Variants in BCCIP observed in about 807,000 individuals in gnomAD.
BCCIP encodes the protein BRCA2 and CDKN1A interacting protein, also known as BRCA2 and CDKN1A-interacting protein.
A neutral mutation model predicts 32.8 loss-of-function variants in BCCIP; 23 were observed. The ratio of observed to expected loss-of-function variants is 0.70; its 90% CI spans 0.51 to 0.99. The LOEUF is 0.99. Among genes scored for constraint, BCCIP ranks in the 50% least tolerant of loss-of-function variants. BCCIP has a pLI of 0.00. For missense variants in BCCIP, 378 were observed against 379.8 expected (o/e 1.00, Z 0.04); for synonymous variants, 144 against 137.6 (o/e 1.05, Z -0.33).
chr10:125,829,606 C>T (rs1191971933), intron 3 of BCCIP, among the ~76,000 whole-genome samples: 1 of 152,184 alleles, frequency 6.6e-6, no homozygotes, highest in Non-Finnish European at 1.5e-5. Context: ...GTACACTTTT[C>T]AAGGCTTCTG....
chr10:125,836,212 T>C lies in BCCIP; in HGVS notation c.883T>C (p.Leu295=). The C allele has an allele frequency of 5.0e-6, 8 of 1,614,222 alleles. No individual in the cohort carries two copies. The highest frequency in any genetic ancestry group is 6.8e-6 in the Non-Finnish European group (8 of 1,180,032). The change falls in exon 7 of 7, where the codon TTA becomes CTA. Residue 295 remains leucine (L), a synonymous_variant. Coordinates refer to ENST00000278100, the MANE Select transcript of BCCIP (RefSeq NM_078468.3). ...VPMTPLRTVM[L]IPGDKMNEIM... Reference sequence around the variant, plus strand: ...AATGACGCCCTTGCGAACTGTGATGTTAATTCCAGGCGACAAGATGAACGA... The same window carrying C: ...AATGACGCCCTTGCGAACTGTGATGCTAATTCCAGGCGACAAGATGAACGA...
At chr10:125,836,761 CAG>C (rs755174172), downstream of BCCIP, 156 of 1,614,164 alleles carry the variant, frequency 9.7e-5, no homozygotes, top group East Asian at 6.0e-4. Context: ...ATTGTTGACA[CAG>C]GGGATAGGTG....
At chr10:125,848,749 G>A (rs1435622220) in intron 7 of BCCIP, among the ~76,000 whole-genome samples, 1 of 152,196 alleles carries the variant, frequency 6.6e-6, no homozygotes, top group East Asian at 1.9e-4. Context: ...CTGTGGTGCA[G>A]AGCTCAGGTA....
At chr10:125,834,673 T>G (rs1375986606) in intron 6 of BCCIP, among the ~76,000 whole-genome samples, 8 of 150,146 alleles carry the variant, frequency 5.3e-5, no homozygotes, top group Non-Finnish European at 1.0e-4. Flanking sequence ...TAGCCGGGCA[T>G]GGTGGCAGAT....
At chr10:125,834,050 G>A in intron 6 of BCCIP, 104 bp downstream of exon 6, 1 of 1,286,240 alleles carries the variant, frequency 7.8e-7, no homozygotes, top group Non-Finnish European at 1.1e-6. Context: ...TCTTTCAAGT[G>A]TGGCTACTCT....
In BCCIP at chr10:125,827,514, T is replaced by G. The variant is rs374865934; in HGVS notation, c.241-44T>G. 7.7e-4 allele frequency: 992 copies of G among 1,290,358 alleles called. 17 individuals carry two copies. The South Asian group carries it at 0.012, about 16-fold the overall frequency. 79.9% of individuals were successfully genotyped at this position (1,290,358 alleles called of 1,614,324 possible). A position where few individuals can be genotyped will look rare whatever the true frequency, so the allele number is the denominator to read the frequency against. On this transcript the variant is annotated intron_variant, in intron 2 of 6. Transcript: ENST00000278100. ...ATATAGGATTTGAAGTTATTAGAAA[T>G]CATGCTTTGATCTTAATTTAAAATA... is the stretch of plus-strand genomic sequence containing the variant.
rs769173405 is a variant in BCCIP at position 125,826,653 on chromosome 10, A to AT, written c.230dup (p.Leu77PhefsTer31). 8.7e-6 allele frequency: 14 copies of AT among 1,613,630 alleles called. No individual in the cohort carries two copies. The highest frequency in any genetic ancestry group is 1.2e-5 in the Non-Finnish European group (14 of 1,179,774). On this transcript the variant is annotated frameshift_variant, in exon 2 of 7. Coordinates refer to ENST00000278100, the MANE Select transcript of BCCIP (RefSeq NM_078468.3). LOFTEE classifies it high-confidence loss of function. ...ATAATGATTATGACGGAATTAAGAA[A>AT]TTACTGCAGCAGGTATTGTCTTTTA...
chr10:125,834,915 G>A (rs1407663488), intron 6 of BCCIP, among the ~76,000 whole-genome samples: 3 of 151,560 alleles, frequency 2.0e-5, no homozygotes, highest in African/African-American at 7.3e-5. Flanking sequence ...GGTGGATCAC[G>A]AGGTCAGGAG....
chr10:125,837,170 C>T (rs980567680), downstream of BCCIP, among the ~76,000 whole-genome samples: 3 of 152,200 alleles, frequency 2.0e-5, no homozygotes, highest in South Asian at 2.1e-4. Flanking sequence ...AGGCACCAAT[C>T]GTATGCTTAA....
At chr10:125,847,585 T>A (rs1944037749), downstream of BCCIP, among the ~76,000 whole-genome samples, 1 of 152,162 alleles carries the variant, frequency 6.6e-6, no homozygotes, top group Non-Finnish European at 1.5e-5. Flanking sequence ...TGGAAGACAA[T>A]TTTTCCACAG....
chr10:125,833,957 C>T lies in BCCIP; in HGVS notation c.774+11C>T. The T allele has an allele frequency of 6.2e-7, 1 of 1,612,064 alleles. No individual in the cohort carries two copies. The highest frequency in any genetic ancestry group is 1.1e-5 in the South Asian group (1 of 90,856). On this transcript the variant is annotated intron_variant, in intron 6 of 6. Transcript: ENST00000278100. ...GAATTTTTCTATGAGGTAAGACTATCCTGCTTATTTGTTTAGATGTAAATA... is the reference window on the plus strand; with the variant it reads ...GAATTTTTCTATGAGGTAAGACTATTCTGCTTATTTGTTTAGATGTAAATA...
chr10:125,847,801 T>C (rs1167886974), downstream of BCCIP, among the ~76,000 whole-genome samples: 1 of 152,106 alleles, frequency 6.6e-6, no homozygotes, highest in Admixed American at 6.5e-5. Context: ...CATCAGGCAT[T>C]AGATTCTCAT....
exon 8 of BCCIP, chr10:125,853,270 T>TG: frequency 6.2e-6 from 9 of 1,463,158 alleles, no homozygotes; most frequent in Non-Finnish European, 8.5e-6. Flanking sequence ...AGGAGGCTCA[T>TG]AGTCTCCTGG....
intron 5 of BCCIP, 33 bp from the exon 6 acceptor site, chr10:125,833,739 C>T (rs1159225669): frequency 2.5e-6 from 4 of 1,608,838 alleles, no homozygotes; most frequent in Non-Finnish European, 3.4e-6. Context: ...CTTGACCCAG[C>T]AGGTAAACAA....
intron 6 of BCCIP, among the ~76,000 whole-genome samples, chr10:125,835,123 ACT>A (rs1361824669): frequency 2.7e-5 from 4 of 150,560 alleles, no homozygotes; most frequent in African/African-American, 7.3e-5. Context: ...ACAGAGCGAG[ACT>A]CTGTCTCAGA....
At chr10:125,842,137 C>T (rs1204636176) in exon 7 of BCCIP, 1 of 689,000 alleles carries the variant, frequency 1.5e-6, no homozygotes, top group Non-Finnish European at 2.2e-6. Context: ...TGTGATTGTC[C>T]AGCTCATGCT....
At chr10:125,826,964 C>G (rs1426941617) in intron 2 of BCCIP, among the ~76,000 whole-genome samples, 1 of 132,314 alleles carries the variant, frequency 7.6e-6, no homozygotes, top group Non-Finnish European at 1.5e-5. Flanking sequence ...CCATTGAGCT[C>G]CAGTCTGGGC....
At chr10:125,850,215 C>T (rs908525172) in intron 7 of BCCIP, among the ~76,000 whole-genome samples, 1 of 151,454 alleles carries the variant, frequency 6.6e-6, no homozygotes, top group African/African-American at 2.4e-5. Context: ...GGCCCTCAAG[C>T]AGTTCTCCCA....
At chr10:125,836,658 C>A, downstream of BCCIP, 1 of 1,602,734 alleles carries the variant, frequency 6.2e-7, no homozygotes, top group Non-Finnish European at 8.5e-7. Context: ...ACCTTTGGGA[C>A]CCTGCTGCAC....
Sources: allele counts gnomAD v4.1 joint callset (sites outside exome capture counted in the v4.1 genomes callset), GRCh38; gene constraint gnomAD v4.1.1; transcripts MANE v1.5; gene names NCBI Gene and HGNC (gene_info 2026-07-23, HGNC 2026-07-21).